Variants in MAP4K5 observed in about 807,000 individuals in gnomAD.
MAP4K5 encodes the protein mitogen-activated protein kinase kinase kinase kinase 5, also known as MAPK/ERK kinase kinase kinase 5.
MAP4K5 carries 82 observed loss-of-function variants against 135.6 expected under a neutral mutation model. The ratio of observed to expected loss-of-function variants is 0.60; its 90% CI spans 0.51 to 0.73. MAP4K5 has a LOEUF of 0.73. Among genes scored for constraint, MAP4K5 ranks in the 30% least tolerant of loss-of-function variants. MAP4K5 has a pLI of 0.00. For synonymous variants in MAP4K5, 347 were observed against 335.0 expected (o/e 1.04, Z -0.39); for missense variants, 907 against 1,010.9 (o/e 0.90, Z 1.39).
chr14:50,443,531 T>C (rs2036273795), intron 20 of MAP4K5, among the ~76,000 whole-genome samples, 198 bp downstream of exon 20: 1 of 152,128 alleles, frequency 6.6e-6, no homozygotes, highest in South Asian at 2.1e-4. Flanking sequence ...ACTGCCAGTA[T>C]TTACAAAAAG....
At chr14:50,440,475 C>T (rs2036202666) in intron 21 of MAP4K5, 34 bp from the exon 22 acceptor site, 2 of 1,113,360 alleles carry the variant, frequency 1.8e-6, no homozygotes, top group South Asian at 1.6e-5. Flanking sequence ...CAGAATTTAC[C>T]ATCATCTTCT....
Position 50,418,845 on chromosome 14 carries a change from T to C in MAP4K5, c.*1174A>G, listed in dbSNP as rs549382154. On this transcript the variant is annotated 3_prime_UTR_variant, in exon 33 of 33. Transcript: ENST00000682126. ...AGACAACAGGTACCAATGTAACACTTTAATTTTGAATATTAACAATAGCAA... is the reference window on the plus strand; with the variant it reads ...AGACAACAGGTACCAATGTAACACTCTAATTTTGAATATTAACAATAGCAA... 1 of 152,290 alleles carries C rather than the reference T, an allele frequency of 6.6e-6. No homozygotes were observed. The highest frequency in any genetic ancestry group is 2.1e-4 in the South Asian group (1 of 4,828). The allele number at this position is 152,290 out of a possible 1,614,324, so 9.4% of individuals were successfully genotyped here.
rs756893722 is a variant in MAP4K5 at position 50,440,392 on chromosome 14, G to A, written c.1614C>T (p.Leu538=). The A allele has an allele frequency of 7.2e-5, 115 of 1,603,988 alleles. 1 individual carries two copies. Among genetic ancestry groups the A allele is most frequent in the Admixed American group, 1.3e-4 (8 of 59,268 alleles). ...GTEDGIYTLN[L]NELHEATMEQ... Reference sequence around the variant, plus strand: ...CCATCGTTGCCTCATGTAGCTCATTGAGATTCAGTGTGTAAATACCATCTT... The same window carrying A: ...CCATCGTTGCCTCATGTAGCTCATTAAGATTCAGTGTGTAAATACCATCTT... Residue 538 remains leucine (L), a synonymous_variant, in exon 22 of 33, where the codon CTC becomes CTT. Transcript: ENST00000682126.
At chr14:50,482,606 G>T (rs754161513) in intron 5 of MAP4K5, 190 bp from the exon 6 acceptor site, 1 of 415,460 alleles carries the variant, frequency 2.4e-6, no homozygotes, top group Non-Finnish European at 4.4e-6. Context: ...GTGAAACCCC[G>T]TCTCTACTAA....
intron 9 of MAP4K5, among the ~76,000 whole-genome samples, chr14:50,473,428 G>C (rs939541133): frequency 1.3e-5 from 2 of 151,886 alleles, no homozygotes; most frequent in South Asian, 4.1e-4. Context: ...CATATGTTAC[G>C]ATACTTAATA....
At chr14:50,428,844 A>G (rs950660906) in intron 29 of MAP4K5, 90 bp from the exon 30 acceptor site, 8 of 706,028 alleles carry the variant, frequency 1.1e-5, no homozygotes, top group Non-Finnish European at 1.9e-5. Context: ...TGGATATCAA[A>G]TAATATTCTT....
rs1279750387 is a variant in MAP4K5, at chr14:50,531,869, A to T, written c.108+73T>A. On this transcript the variant is annotated intron_variant, in intron 2 of 32. Transcript: ENST00000682126. ...AAAAGCATCCTCCTCTCGCCCCAAT[A>T]CTTCGCAGGAAAGTGGCCCCATTCC... is the stretch of plus-strand genomic sequence containing the variant. The T allele has an allele frequency of 2.8e-6, 3 of 1,072,706 alleles. No individual in the cohort carries two copies. In the African/African-American group the frequency reaches 4.7e-5, roughly 17 times the overall value. 66.4% of individuals were successfully genotyped at this position (1,072,706 alleles called of 1,614,324 possible).
At chr14:50,494,585 T>C (rs1167077883) in intron 3 of MAP4K5, among the ~76,000 whole-genome samples, 1 of 152,100 alleles carries the variant, frequency 6.6e-6, no homozygotes, top group Non-Finnish European at 1.5e-5. Flanking sequence ...ATTCTAAAAT[T>C]TGTATAAAAT....
chr14:50,500,549 A>G (rs1266686778), intron 3 of MAP4K5, among the ~76,000 whole-genome samples: 1 of 152,220 alleles, frequency 6.6e-6, no homozygotes, highest in African/African-American at 2.4e-5. Flanking sequence ...CAAGGCTAAA[A>G]ATCTGAGTAT....
At chr14:50,480,584 CACATA>C (rs999203069) in intron 6 of MAP4K5, among the ~76,000 whole-genome samples, 1 of 152,126 alleles carries the variant, frequency 6.6e-6, no homozygotes, top group Admixed American at 6.6e-5. Context: ...CGGCTTATTT[CACATA>C]ACATAAGGAT....
intron 13 of MAP4K5, among the ~76,000 whole-genome samples, chr14:50,461,067 TGG>T (rs2036700883): frequency 6.6e-6 from 1 of 152,128 alleles, no homozygotes; most frequent in Non-Finnish European, 1.5e-5. Flanking sequence ...ACTCTGTTGC[TGG>T]GGTTGGAGTG....
chr14:50,490,850 T>A (rs2037468216), intron 3 of MAP4K5, among the ~76,000 whole-genome samples: 1 of 152,168 alleles, frequency 6.6e-6, no homozygotes, highest in South Asian at 2.1e-4. Flanking sequence ...ACATTATTAA[T>A]GCCACACTCA....
intron 3 of MAP4K5, among the ~76,000 whole-genome samples, chr14:50,490,256 G>A (rs564939933): frequency 2.4e-4 from 36 of 151,904 alleles, no homozygotes; most frequent in African/African-American, 7.2e-4. Context: ...TGGTAGTTCT[G>A]TATCTGAGAC....
intron 3 of MAP4K5, among the ~76,000 whole-genome samples, chr14:50,500,068 C>T (rs935729026): frequency 1.3e-5 from 2 of 152,266 alleles, no homozygotes; most frequent in East Asian, 3.9e-4. Context: ...TCGTCATTCT[C>T]ATTCAAAGGC....
Position 50,466,574 on chromosome 14 carries a change from T to C in MAP4K5, c.737+9A>G, listed in dbSNP as rs1226628848. ...AAAATTCTATAAAACTATATATTCT[T>C]TAACTCACCATTTTGTTTTGTCCTT... is the stretch of plus-strand genomic sequence containing the variant. On this transcript the variant is annotated intron_variant, in intron 11 of 32. Coordinates refer to ENST00000682126, the MANE Select transcript of MAP4K5 (RefSeq NM_006575.6). 6 of 1,326,982 alleles carry C rather than the reference T, an allele frequency of 4.5e-6. No homozygotes were observed. Among genetic ancestry groups the C allele is most frequent in the African/African-American group, 2.9e-5 (2 of 68,530 alleles). 82.2% of individuals were successfully genotyped at this position (1,326,982 alleles called of 1,614,324 possible).
chr14:50,478,279 T>C (rs894807168), intron 6 of MAP4K5, among the ~76,000 whole-genome samples: 5 of 39,422 alleles, frequency 1.3e-4, no homozygotes, highest in African/African-American at 2.1e-4. Flanking sequence ...ATCACTTGTT[T>C]CTTCTCTTTT....
At chr14:50,451,432 T>C (rs1192691045) in intron 14 of MAP4K5, among the ~76,000 whole-genome samples, 2 of 152,074 alleles carry the variant, frequency 1.3e-5, no homozygotes, top group East Asian at 3.9e-4. Flanking sequence ...TTTTCCAAAT[T>C]TGATGAAAAA....
chr14:50,485,915 A>C (rs1381038153), intron 4 of MAP4K5, 189 bp downstream of exon 4: 1 of 539,902 alleles, frequency 1.9e-6, no homozygotes, highest in Non-Finnish European at 3.2e-6. Flanking sequence ...AGGTACAACT[A>C]TAAAAATGGG....
intron 6 of MAP4K5, among the ~76,000 whole-genome samples, chr14:50,480,254 G>A (rs570774473): frequency 3.3e-5 from 5 of 152,026 alleles, no homozygotes; most frequent in African/African-American, 7.2e-5. Flanking sequence ...AACACATCAT[G>A]GAGAAAGCGG....
Sources: gnomAD v4.1 joint callset for allele counts (sites outside exome capture counted in the v4.1 genomes callset) on GRCh38, gnomAD v4.1.1 for gene constraint, MANE v1.5 for transcripts, NCBI Gene and HGNC (gene_info 2026-07-23, HGNC 2026-07-21) for gene names.